Variants in DOCK4 observed in about 807,000 individuals in gnomAD.
DOCK4 encodes dedicator of cytokinesis protein 4.
DOCK4 carries 97 observed loss-of-function variants against 268.1 expected under a neutral mutation model. The ratio of observed to expected loss-of-function variants is 0.36; its 90% CI spans 0.31 to 0.43. The LOEUF is 0.43. DOCK4 is among the 20% of genes least tolerant of loss of function. The pLI is 1.00. For missense variants in DOCK4, 2,145 were observed against 2,455.7 expected (o/e 0.87, Z 2.67); for synonymous variants, 954 against 887.2 (o/e 1.08, Z -1.34).
intron 12 of DOCK4, among the ~76,000 whole-genome samples, chr7:111,935,140 G>C (rs1201867989): frequency 1.3e-5 from 2 of 151,650 alleles, no homozygotes; most frequent in African/African-American, 4.8e-5. Flanking sequence ...TAGAGACGGG[G>C]TTTCACTGTG....
chr7:111,954,009 C>T (rs1187898866), intron 8 of DOCK4, among the ~76,000 whole-genome samples: 1 of 152,188 alleles, frequency 6.6e-6, no homozygotes, highest in Non-Finnish European at 1.5e-5. Flanking sequence ...AATTCAAAGC[C>T]ACCTCTTTGA....
intron 25 of DOCK4, among the ~76,000 whole-genome samples, chr7:111,837,959 GC>G (rs1167282694): frequency 6.6e-6 from 1 of 151,724 alleles, no homozygotes; most frequent in Non-Finnish European, 1.5e-5. Context: ...AGTGGCACAA[GC>G]CTGTAATCCC....
chr7:111,858,155 G>C (rs1805165084), intron 23 of DOCK4, among the ~76,000 whole-genome samples: 1 of 152,142 alleles, frequency 6.6e-6, no homozygotes. Context: ...ATCTTCCCAT[G>C]ACAACATTTC....
intron 3 of DOCK4, among the ~76,000 whole-genome samples, chr7:111,999,541 G>A (rs1375393915): frequency 6.6e-6 from 1 of 151,920 alleles, no homozygotes; most frequent in Non-Finnish European, 1.5e-5. Context: ...AGCTATATTT[G>A]CATGTGCCTC....
At chr7:112,144,352 A>C (rs1348926943) in intron 1 of DOCK4, among the ~76,000 whole-genome samples, 1 of 152,240 alleles carries the variant, frequency 6.6e-6, no homozygotes, top group Non-Finnish European at 1.5e-5. Flanking sequence ...GCTGGGGAAT[A>C]AACAGACTCA....
chr7:112,201,594 A>G (rs940836465), intron 1 of DOCK4, among the ~76,000 whole-genome samples: 1 of 151,930 alleles, frequency 6.6e-6, no homozygotes, highest in African/African-American at 2.4e-5. Flanking sequence ...TGAACGCAAA[A>G]ACAATCTGCA....
chr7:111,855,479 A>G (rs547961221), intron 23 of DOCK4, among the ~76,000 whole-genome samples: 1 of 152,260 alleles, frequency 6.6e-6, no homozygotes, highest in Non-Finnish European at 1.5e-5. Context: ...GAGAGAAAAA[A>G]GTTGAGATTT....
intron 1 of DOCK4, among the ~76,000 whole-genome samples, chr7:112,005,600 C>A (rs1198486800): frequency 6.6e-6 from 1 of 152,220 alleles, no homozygotes; most frequent in Non-Finnish European, 1.5e-5. Context: ...CCTCTTCTTA[C>A]AAGGGATCAG....
At chr7:111,852,631 C>G (rs1804675800) in intron 23 of DOCK4, among the ~76,000 whole-genome samples, 1 of 152,034 alleles carries the variant, frequency 6.6e-6, no homozygotes, top group South Asian at 2.1e-4. Flanking sequence ...TCTAAAAATT[C>G]AATTTGCAGC....
At chr7:111,864,160 T>G (rs559092904) in intron 22 of DOCK4, among the ~76,000 whole-genome samples, 2 of 151,788 alleles carry the variant, frequency 1.3e-5, no homozygotes, top group Non-Finnish European at 1.5e-5. Context: ...AACAAAAAGA[T>G]CATTACAAGA....
chr7:112,086,831 G>T (rs1809136265), intron 1 of DOCK4, among the ~76,000 whole-genome samples: 1 of 152,132 alleles, frequency 6.6e-6, no homozygotes, highest in South Asian at 2.1e-4. Flanking sequence ...AGGATTGGAA[G>T]GGAATTTTGT....
chr7:112,129,717 G>C (rs1475437849), intron 1 of DOCK4, among the ~76,000 whole-genome samples: 1 of 152,062 alleles, frequency 6.6e-6, no homozygotes, highest in African/African-American at 2.4e-5. Flanking sequence ...GTAAGTAAAA[G>C]AAAAAACAAA....
chr7:112,194,552 G>A (rs183914089), intron 1 of DOCK4, among the ~76,000 whole-genome samples: 1 of 152,252 alleles, frequency 6.6e-6, no homozygotes, highest in East Asian at 1.9e-4. Flanking sequence ...GCACATAAAT[G>A]ACAAACTAAA....
chr7:112,151,572 T>C (rs1450509011), intron 1 of DOCK4, among the ~76,000 whole-genome samples: 1 of 152,050 alleles, frequency 6.6e-6, no homozygotes, highest in Non-Finnish European at 1.5e-5. Flanking sequence ...AGTAAGCATC[T>C]CTGAGTCATA....
chr7:111,978,251 A>G (rs747843157), intron 7 of DOCK4, among the ~76,000 whole-genome samples: 1 of 152,178 alleles, frequency 6.6e-6, no homozygotes, highest in Non-Finnish European at 1.5e-5. Context: ...ATTATTTTTG[A>G]GGCAGTATCT....
chr7:111,788,431 A>C, intron 32 of DOCK4: 1 of 520,730 alleles, frequency 1.9e-6, no homozygotes, highest in Non-Finnish European at 3.4e-6. Flanking sequence ...TAACATATGC[A>C]ACCTGTCCTA....
intron 1 of DOCK4, among the ~76,000 whole-genome samples, chr7:112,075,126 G>A (rs1807943460): frequency 6.6e-6 from 1 of 152,070 alleles, no homozygotes; most frequent in Non-Finnish European, 1.5e-5. Context: ...TAATAAATGT[G>A]GAAACACTGA....
intron 1 of DOCK4, among the ~76,000 whole-genome samples, chr7:112,161,460 T>C (rs546311745): frequency 1.3e-4 from 20 of 152,194 alleles, no homozygotes; most frequent in Non-Finnish European, 2.4e-4. Flanking sequence ...CTACACTTCC[T>C]ATAAATTTTA....
intron 1 of DOCK4, among the ~76,000 whole-genome samples, chr7:112,095,441 GA>G (rs150825239): frequency 0.27 from 40,507 of 152,090 alleles, 6,903 homozygotes; most frequent in Non-Finnish European, 0.39. Context: ...AATCTATTAA[GA>G]GAAAGAATAT....
Sources: allele counts gnomAD v4.1 joint callset (sites outside exome capture counted in the v4.1 genomes callset), GRCh38; gene constraint gnomAD v4.1.1; transcripts MANE v1.5; gene names NCBI Gene and HGNC (gene_info 2026-07-23, HGNC 2026-07-21).